The following NKAIN2 variants were observed in gnomAD, a reference collection of about 807,000 sequenced individuals.
NKAIN2 encodes the protein sodium/potassium transporting ATPase interacting 2.
Under a neutral mutation model 32.6 loss-of-function variants are expected in NKAIN2, and 14 were observed. That is an observed-to-expected ratio of 0.43 (90% CI 0.28 to 0.67). The LOEUF (loss-of-function observed/expected upper bound fraction) is 0.67, where lower values mean the gene tolerates loss of function less well. Ranked by LOEUF, NKAIN2 falls within the 30% of genes least tolerant of loss-of-function variation. NKAIN2 has a pLI of 0.17. For synonymous variants in NKAIN2, 80 were observed against 87.2 expected (o/e 0.92, Z 0.46); for missense variants, 198 against 258.3 (o/e 0.77, Z 1.60).
At position 124,445,443 on chromosome 6, in the gene NKAIN2, A is replaced by G. The variant is rs116415635; in HGVS notation, c.273+90096A>G. On this transcript the variant is annotated intron_variant, in intron 3 of 6. Coordinates refer to ENST00000368417, the MANE Select transcript of NKAIN2 (RefSeq NM_001040214.3). ...TGTATTGTTGTCTAAATTGCATTTT[A>G]TTGTACATTTTATTTCTCAGGTCAT... 7.4e-3 allele frequency among the ~76,000 whole-genome samples: 1,120 copies of G among 152,186 alleles called. 9 individuals are homozygous for G. Among genetic ancestry groups the G allele is most frequent in the African/African-American group, 0.026 (1,079 of 41,556 alleles).
intron 4 of NKAIN2, among the ~76,000 whole-genome samples, chr6:124,707,016 A>G (rs1283104423): frequency 1.0e-4 from 11 of 107,556 alleles, no homozygotes; most frequent in South Asian, 3.5e-4. Flanking sequence ...ACAGTCCCCA[A>G]AGTGTGATAC....
At chr6:124,276,284 C>A (rs189044350) in intron 1 of NKAIN2, among the ~76,000 whole-genome samples, 1,836 of 135,860 alleles carry the variant, frequency 0.014, 43 homozygotes, top group African/African-American at 0.055. Context: ...TATTTTCTTC[C>A]CCTTGGTGAA....
chr6:123,994,489 C>G (rs1212626754), intron 1 of NKAIN2, among the ~76,000 whole-genome samples: 1 of 152,064 alleles, frequency 6.6e-6, no homozygotes, highest in East Asian at 1.9e-4. Context: ...AGGTCATGTG[C>G]AGCTGCTCCG....
intron 3 of NKAIN2, among the ~76,000 whole-genome samples, chr6:124,534,063 A>C (rs1779625769): frequency 6.6e-6 from 1 of 152,196 alleles, no homozygotes; most frequent in African/African-American, 2.4e-5. Flanking sequence ...ACAAATATTT[A>C]ATCTGTCACA....
intron 3 of NKAIN2, among the ~76,000 whole-genome samples, chr6:124,639,011 T>G (rs184496164): frequency 6.7e-6 from 1 of 150,058 alleles, no homozygotes; most frequent in Admixed American, 6.6e-5. Context: ...CAGGGAAAAG[T>G]GAATCAAAAC....
intron 2 of NKAIN2, among the ~76,000 whole-genome samples, chr6:124,348,588 C>T (rs1562505514): frequency 2.6e-5 from 4 of 152,228 alleles, no homozygotes. Flanking sequence ...TGATCTCAGA[C>T]TGCTGTGCTA....
chr6:124,744,524 T>G (rs947706894), intron 4 of NKAIN2, among the ~76,000 whole-genome samples: 1 of 151,822 alleles, frequency 6.6e-6, no homozygotes, highest in Non-Finnish European at 1.5e-5. Context: ...TTTTTTTCAA[T>G]TTTCCTTCAA....
intron 5 of NKAIN2, among the ~76,000 whole-genome samples, chr6:124,798,368 A>C (rs1394491349): frequency 6.6e-6 from 1 of 152,124 alleles, no homozygotes; most frequent in Non-Finnish European, 1.5e-5. Context: ...TTACTAATTT[A>C]TCTTCTCTTT....
chr6:124,459,105 A>G (rs1776431264), intron 3 of NKAIN2, among the ~76,000 whole-genome samples: 1 of 151,830 alleles, frequency 6.6e-6, no homozygotes. Context: ...CCTTACTAAA[A>G]TATTTTAGAA....
At chr6:123,804,799 C>T (rs1280704452) in intron 1 of NKAIN2, among the ~76,000 whole-genome samples, 2 of 152,004 alleles carry the variant, frequency 1.3e-5, no homozygotes, top group Non-Finnish European at 2.9e-5. Flanking sequence ...TGAGTTTTAG[C>T]CACATTGAGT....
chr6:124,459,818 T>C (rs995523995), intron 3 of NKAIN2, among the ~76,000 whole-genome samples: 3 of 151,828 alleles, frequency 2.0e-5, no homozygotes, highest in Admixed American at 2.0e-4. Flanking sequence ...ATGTTTTTTA[T>C]TTTATTAGTA....
intron 4 of NKAIN2, among the ~76,000 whole-genome samples, chr6:124,783,332 T>TCAGTCTATTTCCCAACTTA: frequency 6.6e-6 from 1 of 152,314 alleles, no homozygotes; most frequent in South Asian, 2.1e-4. Context: ...GGCATTTAGT[T>TCAGTCTATTTCCCAACTTA]CAGTCTATTT....
intron 3 of NKAIN2, among the ~76,000 whole-genome samples, chr6:124,474,000 C>T (rs1777081478): frequency 6.6e-6 from 1 of 152,136 alleles, no homozygotes; most frequent in South Asian, 2.1e-4. Flanking sequence ...TATGAGTTAA[C>T]TTCAAAATCA....
chr6:124,534,168 G>A (rs1317458852), intron 3 of NKAIN2, among the ~76,000 whole-genome samples: 1 of 151,608 alleles, frequency 6.6e-6, no homozygotes, highest in African/African-American at 2.4e-5. Context: ...GGGGGGCATT[G>A]GGGGACAGAG....
At chr6:124,155,021 A>G (rs1787911316) in intron 1 of NKAIN2, among the ~76,000 whole-genome samples, 1 of 152,152 alleles carries the variant, frequency 6.6e-6, no homozygotes, top group Non-Finnish European at 1.5e-5. Context: ...GTGAAACTGC[A>G]TGATGGGCTA....
chr6:124,633,751 C>T (rs926564496), intron 3 of NKAIN2, among the ~76,000 whole-genome samples: 2 of 152,160 alleles, frequency 1.3e-5, no homozygotes, highest in Non-Finnish European at 2.9e-5. Context: ...GCCCAGTACC[C>T]GTGCACACCA....
chr6:124,118,497 A>G (rs1383690997), intron 1 of NKAIN2, among the ~76,000 whole-genome samples: 1 of 152,152 alleles, frequency 6.6e-6, no homozygotes, highest in Non-Finnish European at 1.5e-5. Flanking sequence ...GAGAAAACAA[A>G]AACAATTTTT....
chr6:124,752,121 C>T (rs1777748940), intron 4 of NKAIN2, among the ~76,000 whole-genome samples: 1 of 151,906 alleles, frequency 6.6e-6, no homozygotes, highest in Non-Finnish European at 1.5e-5. Context: ...ATTTTACTAA[C>T]AATTAAAAGG....
chr6:124,667,558 A>AT (rs1446141658), intron 4 of NKAIN2, among the ~76,000 whole-genome samples: 2 of 152,106 alleles, frequency 1.3e-5, no homozygotes, highest in Admixed American at 6.5e-5. Flanking sequence ...ATAATACTGT[A>AT]TATAATATTA....
Sources: gnomAD v4.1 joint callset for allele counts (sites outside exome capture counted in the v4.1 genomes callset) on GRCh38, gnomAD v4.1.1 for gene constraint, MANE v1.5 for transcripts, NCBI Gene and HGNC (gene_info 2026-07-23, HGNC 2026-07-21) for gene names.